Variants in RNF38 observed in about 807,000 individuals in gnomAD.
The protein encoded by RNF38 is ring finger protein 38.
In RNF38, 15 loss-of-function variants were observed where a neutral mutation model predicts 67.2. That is an observed-to-expected ratio of 0.22 (90% CI 0.15 to 0.34). The LOEUF is 0.34. RNF38 is among the 10% of genes least tolerant of loss of function. The pLI is 1.00. For synonymous variants in RNF38, 220 were observed against 218.8 expected, an observed-to-expected ratio of 1.01 and a Z score of -0.05; for missense variants, 524 against 639.9, an observed-to-expected ratio of 0.82 and a Z score of 1.95.
intron 1 of RNF38, among the ~76,000 whole-genome samples, chr9:36,438,243 T>C (rs1446502119): frequency 6.6e-6 from 1 of 151,944 alleles, no homozygotes; most frequent in African/African-American, 2.4e-5. Context: ...CAGCCAAGGG[T>C]GTTGCTTTTT....
rs752452318 is a variant in RNF38, at chr9:36,400,115, G to A, written c.-7C>T. ...ACTTTACCTTACAAGCCATACAGAC[G>A]TAAACAAAAACTTTATTTCTTTTTG... On this transcript the variant is annotated 5_prime_UTR_variant, in exon 1 of 12. It adds an upstream start codon to the 5' untranslated region. Transcript: ENST00000259605. The A allele has an allele frequency of 5.6e-6, 9 of 1,612,172 alleles. No individual in the cohort carries two copies. The South Asian group carries it at 8.8e-5, about 16-fold the overall frequency.
chr9:36,344,287 T>G (rs1410689209), intron 10 of RNF38, among the ~76,000 whole-genome samples: 1 of 152,208 alleles, frequency 6.6e-6, no homozygotes, highest in Non-Finnish European at 1.5e-5. Context: ...AGTGCTGGGA[T>G]TACATGTGTG....
intron 6 of RNF38, among the ~76,000 whole-genome samples, 166 bp from the exon 7 acceptor site, chr9:36,353,497 T>C (rs955062159): frequency 1.3e-5 from 2 of 152,124 alleles, no homozygotes; most frequent in African/African-American, 4.8e-5. Context: ...AGTAAACATA[T>C]AGGCTACAGT....
intron 1 of RNF38, among the ~76,000 whole-genome samples, chr9:36,479,870 CAGG>C (rs1468726153): frequency 2.0e-5 from 3 of 152,162 alleles, no homozygotes; most frequent in African/African-American, 7.2e-5. Flanking sequence ...GAAGTCAAGG[CAGG>C]AGGATTACTT....
chr9:36,414,458 G>A (rs1251747898), intron 2 of RNF38, among the ~76,000 whole-genome samples: 5 of 152,096 alleles, frequency 3.3e-5, no homozygotes, highest in Non-Finnish European at 5.9e-5. Context: ...GCTGAGGGGG[G>A]CAGATCACCT....
intron 1 of RNF38, among the ~76,000 whole-genome samples, chr9:36,392,753 A>G (rs1160162638): frequency 1.3e-5 from 2 of 152,178 alleles, no homozygotes; most frequent in African/African-American, 2.4e-5. Flanking sequence ...CAACATGGTG[A>G]GACAATTTCT....
At chr9:36,375,737 A>G (rs1297621867) in intron 3 of RNF38, among the ~76,000 whole-genome samples, 197 bp downstream of exon 3, 1 of 152,160 alleles carries the variant, frequency 6.6e-6, no homozygotes, top group Non-Finnish European at 1.5e-5. Flanking sequence ...CCATTTCTTC[A>G]TCTGTCAATG....
At chr9:36,377,795 A>G (rs1835894217) in intron 2 of RNF38, among the ~76,000 whole-genome samples, 1 of 152,146 alleles carries the variant, frequency 6.6e-6, no homozygotes. Context: ...AACACAATAC[A>G]ATATAAATGT....
intron 2 of RNF38, among the ~76,000 whole-genome samples, chr9:36,385,299 G>A (rs966248180): frequency 1.3e-5 from 2 of 151,698 alleles, no homozygotes; most frequent in Non-Finnish European, 2.9e-5. Context: ...TAGCTCCAAA[G>A]CACTTCCCAA....
chr9:36,361,503 T>C (rs1336250761), intron 4 of RNF38, among the ~76,000 whole-genome samples: 1 of 152,136 alleles, frequency 6.6e-6, no homozygotes, highest in East Asian at 1.9e-4. Context: ...AGAAAAATAC[T>C]TCTGTTTAAC....
chr9:36,345,052 C>T (rs1043523385), intron 9 of RNF38, 99 bp from the exon 10 acceptor site: 3 of 1,314,722 alleles, frequency 2.3e-6, no homozygotes, highest in African/African-American at 1.5e-5. Flanking sequence ...GTTGCCCAGG[C>T]TAGAGTATAG....
chr9:36,457,556 T>G (rs904398149), intron 1 of RNF38, among the ~76,000 whole-genome samples: 2 of 152,124 alleles, frequency 1.3e-5, no homozygotes, highest in Non-Finnish European at 2.9e-5. Flanking sequence ...ATGTACAAAC[T>G]TTACGGTTGA....
intron 1 of RNF38, among the ~76,000 whole-genome samples, chr9:36,391,796 G>A (rs1451229364): frequency 6.6e-6 from 1 of 151,946 alleles, no homozygotes; most frequent in Non-Finnish European, 1.5e-5. Context: ...TGTATTTTTA[G>A]TAGAGACGGG....
Position 36,437,282 on chromosome 9 carries a change from T to C in RNF38, n.242-12599A>G, listed in dbSNP as rs140261640. Among the ~76,000 whole-genome samples, 56 of 152,342 alleles carry C rather than the reference T, an allele frequency of 3.7e-4. No individual in the cohort carries two copies. In the East Asian group the frequency reaches 9.4e-3, roughly 26 times the overall value. On this transcript the variant is annotated intron_variant and non_coding_transcript_variant, in intron 1 of 3. Coordinates refer to the RNF38 transcript ENST00000488058. ...GTCTCAACATATCTTACAATTAAAA[T>C]ATCTTCTCATTAACTCTTGGTTCTT...
intron 1 of RNF38, among the ~76,000 whole-genome samples, chr9:36,474,077 G>C (rs1455170103): frequency 6.6e-6 from 1 of 151,786 alleles, no homozygotes; most frequent in Admixed American, 6.6e-5. Flanking sequence ...ACTTTGGGAG[G>C]CCAAGGCGGG....
chr9:36,348,352 T>C (rs950465408), intron 9 of RNF38, among the ~76,000 whole-genome samples: 3 of 151,340 alleles, frequency 2.0e-5, no homozygotes, highest in Non-Finnish European at 4.4e-5. Flanking sequence ...ATGTATCTAC[T>C]GTCCCAGCTA....
rs962843968 is a variant in RNF38, at chr9:36,367,915, G to A, written c.570+1804C>T. Among the ~76,000 whole-genome samples the A allele has an allele frequency of 8.5e-5, 13 of 152,142 alleles. No individual in the cohort carries two copies. In the East Asian group the frequency reaches 1.3e-3, roughly 16 times the overall value. ...TGCCCAGGCTGGAGTGCAATGGCAC[G>A]AGCTTGGCTCACTGCAACCTCCACC... is the stretch of plus-strand genomic sequence containing the variant. On this transcript the variant is annotated intron_variant, in intron 4 of 11. Coordinates refer to ENST00000259605, the MANE Select transcript of RNF38 (RefSeq NM_022781.5).
chr9:36,390,727 G>A (rs1587590460), intron 1 of RNF38, 111 bp from the exon 2 acceptor site: 4 of 1,095,000 alleles, frequency 3.7e-6, no homozygotes, highest in South Asian at 1.6e-5. Context: ...TTCTGCTAGC[G>A]AAGACAGGAA....
At chr9:36,454,785 T>C (rs1392158847) in intron 1 of RNF38, among the ~76,000 whole-genome samples, 3 of 151,950 alleles carry the variant, frequency 2.0e-5, no homozygotes, top group East Asian at 3.9e-4. Context: ...GGTTTCACCA[T>C]GTTGGCCAGG....
Sources: allele counts gnomAD v4.1 joint callset (sites outside exome capture counted in the v4.1 genomes callset), GRCh38; gene constraint gnomAD v4.1.1; transcripts MANE v1.5; gene names NCBI Gene and HGNC (gene_info 2026-07-23, HGNC 2026-07-21).